SLC8A2: variants seen among roughly 807,000 people sequenced by gnomAD.
SLC8A2 encodes sodium/calcium exchanger 2.
Under a neutral mutation model 70.2 loss-of-function variants are expected in SLC8A2, and 14 were observed. That is an observed-to-expected ratio of 0.20 (90% confidence interval 0.13 to 0.31). The LOEUF (loss-of-function observed/expected upper bound fraction) is 0.31. Ranked by LOEUF, SLC8A2 falls within the 10% of genes least tolerant of loss-of-function variation. SLC8A2 has a pLI of 1.00. For missense variants in SLC8A2, 779 were observed against 1,320.1 expected (o/e 0.59, Z 6.35); for synonymous variants, 575 against 594.3 (o/e 0.97, Z 0.47).
At position 47,430,645 on chromosome 19, in the gene SLC8A2, CTGGAACCGCTGCCGGCTTTCTA is replaced by C. The variant is rs1966945658; in HGVS notation, c.2390-202_2390-181del. ...TCACCACCTTTAGGCCTGCTCGCCA[CTGGAACCGCTGCCGGCTTTCTA>C]TGGGACCTGCCGCCTGCTTTCTGTG... On this transcript the variant is annotated intron_variant, in intron 9 of 9. Transcript: ENST00000236877. The surrounding 1 kb of genome is among the most constrained non-coding windows in gnomAD (Gnocchi z 5.9). Among the ~76,000 whole-genome samples the C allele has an allele frequency of 6.6e-6, 1 of 152,264 alleles. No homozygotes were observed. The highest frequency in any genetic ancestry group is 1.5e-5 in the Non-Finnish European group (1 of 68,046).
At chr19:47,458,000 G>A (rs1291523927) in intron 2 of SLC8A2, among the ~76,000 whole-genome samples, 1 of 151,846 alleles carries the variant, frequency 6.6e-6, no homozygotes, top group Non-Finnish European at 1.5e-5. Context: ...ACAGGCATGC[G>A]CCACCATGGC....
rs926170962 is a variant in SLC8A2, at chr19:47,437,697, C to A, written c.2011-136G>T. 2.7e-5 allele frequency: 32 copies of A among 1,168,272 alleles called. No individual in the cohort carries two copies. In the Admixed American group the frequency reaches 3.2e-4, roughly 12 times the overall value. The allele number at this position is 1,168,272 out of a possible 1,614,324, so 72.4% of individuals were successfully genotyped here. On this transcript the variant is annotated intron_variant, in intron 7 of 9. Transcript: ENST00000236877. ...TCCACACCCCCGTTCTGAAGGCAAG[C>A]AAGGAAAAGGGAGGCATGTGCTGTC...
At chr19:47,460,121 C>T (rs1967375634) in intron 2 of SLC8A2, among the ~76,000 whole-genome samples, 1 of 152,188 alleles carries the variant, frequency 6.6e-6, no homozygotes, top group South Asian at 2.1e-4. Flanking sequence ...GCCCTCAGTG[C>T]CCCACCCATG....
chr19:47,471,775 A>C lies in SLC8A2; in HGVS notation c.-17+14T>G. The C allele has an allele frequency of 6.6e-6, 1 of 151,424 alleles. No homozygotes were observed. Among genetic ancestry groups the C allele is most frequent in the Non-Finnish European group, 1.5e-5 (1 of 67,806 alleles). 9.4% of individuals were successfully genotyped at this position (151,424 alleles called of 1,614,324 possible). On this transcript the variant is annotated intron_variant, in intron 1 of 9. Coordinates refer to ENST00000236877, the MANE Select transcript of SLC8A2 (RefSeq NM_015063.3). ...TTCCCACGCCCCCACCTCCCCACCA[A>C]TGGGGTCTCTTACCTGCGGCTACAG...
chr19:47,444,930 CTT>C (rs1404038929), intron 4 of SLC8A2, among the ~76,000 whole-genome samples: 1 of 152,196 alleles, frequency 6.6e-6, no homozygotes, highest in Non-Finnish European at 1.5e-5. Context: ...CCCAAACTCC[CTT>C]TTCTCTCTGC....
chr19:47,457,321 G>T lies in SLC8A2; in HGVS notation c.949C>A (p.Gln317Lys). The change falls in exon 3 of 10, where the codon CAG (glutamine) becomes AAG (lysine). Residue 317 changes from glutamine to lysine, a missense_variant. By Grantham distance (53) the Gln-to-Lys change is moderately conservative. Coordinates refer to ENST00000236877, the MANE Select transcript of SLC8A2 (RefSeq NM_015063.3). ...ELDASRREVI[Q>K]ILKDLKQKHP... ...TTCTGCTTGAGGTCCTTGAGGATCT[G>T]GATGACCTCGCGGCGGCTGGCGTCC... The T allele has an allele frequency of 6.5e-7, 1 of 1,543,872 alleles. No individual in the cohort carries two copies. The highest frequency in any genetic ancestry group is 8.7e-7 in the Non-Finnish European group (1 of 1,144,662).
chr19:47,456,783 G>A, intron 3 of SLC8A2, 147 bp downstream of exon 3: 1 of 866,848 alleles, frequency 1.2e-6, no homozygotes, highest in Non-Finnish European at 1.7e-6. Flanking sequence ...CTGGCACAAA[G>A]CAGGCTCTCA....
intron 2 of SLC8A2, among the ~76,000 whole-genome samples, chr19:47,464,830 G>A (rs142353707): frequency 1.3e-5 from 2 of 152,206 alleles, no homozygotes; most frequent in Non-Finnish European, 2.9e-5. Flanking sequence ...AGGCAGTCAC[G>A]GGGTTGTGGG....
chr19:47,465,110 G>T lies in SLC8A2; in HGVS notation c.675+619C>A, dbSNP rs759719772. On this transcript the variant is annotated intron_variant, in intron 2 of 9. Coordinates refer to ENST00000236877, the MANE Select transcript of SLC8A2 (RefSeq NM_015063.3). This position sits in a 1 kb window ranked among gnomAD's most constrained non-coding sequence, Gnocchi z 5.5. ...GAATAATGAATGAATTATGCAAACC[G>T]TGATTACATATCTGGCAAATGGCTA... 6.6e-6 allele frequency among the ~76,000 whole-genome samples: 1 copy of T among 152,172 alleles called. No homozygotes were observed.
At position 47,429,536 on chromosome 19, in the gene SLC8A2, CA is replaced by C. The variant is rs1966921567; in HGVS notation, c.*552del. 1 of 154,596 alleles carries C rather than the reference CA, an allele frequency of 6.5e-6. No individual in the cohort carries two copies. The highest frequency in any genetic ancestry group is 2.4e-5 in the African/African-American group (1 of 41,472). The allele number at this position is 154,596 out of a possible 1,614,324, so 9.6% of individuals were successfully genotyped here. Reference sequence around the variant, plus strand: ...GAACGGTGTGCGGCCTCCTTGCGCGCACACCCACCCGCTCCTCCCCGCCGGG... The same window carrying C: ...GAACGGTGTGCGGCCTCCTTGCGCGCCACCCACCCGCTCCTCCCCGCCGGG... On this transcript the variant is annotated 3_prime_UTR_variant, in exon 10 of 10. Transcript: ENST00000236877.
intron 3 of SLC8A2, among the ~76,000 whole-genome samples, chr19:47,451,890 G>C (rs117557556): frequency 0.045 from 6,899 of 152,244 alleles, 206 homozygotes; most frequent in Non-Finnish European, 0.071. Flanking sequence ...CTGAGAAACT[G>C]ATCCAGACTG....
At chr19:47,470,360 C>T (rs1392847415) in intron 1 of SLC8A2, among the ~76,000 whole-genome samples, 2 of 151,552 alleles carry the variant, frequency 1.3e-5, no homozygotes, top group African/African-American at 2.4e-5. Flanking sequence ...CACACACACA[C>T]ACACACACAC....
intron 6 of SLC8A2, among the ~76,000 whole-genome samples, chr19:47,440,395 C>T (rs915364961): frequency 1.3e-5 from 2 of 152,184 alleles, no homozygotes; most frequent in Non-Finnish European, 2.9e-5. Context: ...CTCTCACAAA[C>T]CCAGATCTGA....
rs768137930 is a variant in SLC8A2 at position 47,457,145 on chromosome 19, G to A, written c.1125C>T (p.Ala375=). Residue 375 remains alanine, a synonymous_variant, in exon 3 of 10, where the codon GCC becomes GCT. Transcript: ENST00000236877. Reference sequence around the variant, plus strand: ...CCTCGGCCGGCGCCGCCCTGCGCGAGGCGTCCGCCGCGTGTCTGCGCAGCA... The same window carrying A: ...CCTCGGCCGGCGCCGCCCTGCGCGAAGCGTCCGCCGCGTGTCTGCGCAGCA... ...GNVLRRHAAD[A]SRRAAPAEGA... is the part of the protein sequence containing the mutation. 9 of 1,542,276 alleles carry A rather than the reference G, an allele frequency of 5.8e-6. No homozygotes were observed. The highest frequency in any genetic ancestry group is 7.9e-6 in the Non-Finnish European group (9 of 1,143,982).
Position 47,448,335 on chromosome 19 carries a change from C to CG in SLC8A2, c.1341-105_1341-104insC, listed in dbSNP as rs1262646797. The CG allele has an allele frequency of 1.2e-6, 1 of 808,910 alleles. No homozygotes were observed. The highest frequency in any genetic ancestry group is 1.9e-6 in the Non-Finnish European group (1 of 517,580). 50.1% of individuals were successfully genotyped at this position (808,910 alleles called of 1,614,324 possible). A position where few individuals can be genotyped will look rare whatever the true frequency, so the allele number is the denominator to read the frequency against. Reference sequence around the variant, plus strand: ...TGCTTCCCAGAGGAGACGTAGGTGCCATAGAAGAACTCCCAAGTATGAGGG... The same window carrying CG: ...TGCTTCCCAGAGGAGACGTAGGTGCCGATAGAAGAACTCCCAAGTATGAGGG... On this transcript the variant is annotated intron_variant, in intron 3 of 9. Transcript: ENST00000236877. The surrounding 1 kb of genome is among the most constrained non-coding windows in gnomAD (Gnocchi z 4.8).
chr19:47,434,213 T>C (rs147625772), intron 8 of SLC8A2, among the ~76,000 whole-genome samples: 31 of 152,376 alleles, frequency 2.0e-4, no homozygotes, highest in African/African-American at 6.7e-4. Flanking sequence ...CGCATCACTA[T>C]GTCAGTTGAG....
At chr19:47,461,195 A>AT (rs1967390708) in intron 2 of SLC8A2, among the ~76,000 whole-genome samples, 1 of 151,026 alleles carries the variant, frequency 6.6e-6, no homozygotes, top group Non-Finnish European at 1.5e-5. Context: ...TTTCAAAAAA[A>AT]AAAGAGTATT....
chr19:47,443,928 C>T (rs1488811681), intron 4 of SLC8A2, among the ~76,000 whole-genome samples: 2 of 152,150 alleles, frequency 1.3e-5, no homozygotes, highest in South Asian at 2.1e-4. Flanking sequence ...CAAAGTCTCG[C>T]TCTGTTGCCC....
At chr19:47,457,751 T>C (rs1180800862) in intron 2 of SLC8A2, among the ~76,000 whole-genome samples, 157 bp from the exon 3 acceptor site, 1 of 150,624 alleles carries the variant, frequency 6.6e-6, no homozygotes, top group Non-Finnish European at 1.5e-5. Flanking sequence ...GTTTCTTTTC[T>C]TTCTTTCTTT....
Sources: allele counts gnomAD v4.1 joint callset (sites outside exome capture counted in the v4.1 genomes callset), GRCh38; gene constraint gnomAD v4.1.1; non-coding constraint Gnocchi (gnomAD v3.1); transcripts MANE v1.5; gene names NCBI Gene and HGNC (gene_info 2026-07-23, HGNC 2026-07-21).